Variants in AQP7B observed in about 807,000 individuals in gnomAD.
The protein encoded by AQP7B is putative aquaporin-7B.
the AQP7B span, among the ~76,000 whole-genome samples, chr2:94,596,441 G>T: frequency 6.6e-6 from 1 of 152,216 alleles, no homozygotes; most frequent in African/African-American, 2.4e-5. Flanking sequence ...GGAAGGTGGG[G>T]TGACAGAGGC....
chr2:94,599,295 G>T, the AQP7B span, among the ~76,000 whole-genome samples: 1 of 151,922 alleles, frequency 6.6e-6, no homozygotes. Flanking sequence ...TCTTATCCTG[G>T]ATCCAAAGCC....
chr2:94,603,669 T>G, the AQP7B span: 1 of 1,341,990 alleles, frequency 7.5e-7, no homozygotes. Context: ...TCCTGTGGCT[T>G]GGGGAGGGGC....
chr2:94,589,466 C>A, the AQP7B span, among the ~76,000 whole-genome samples: 1 of 152,058 alleles, frequency 6.6e-6, no homozygotes, highest in South Asian at 2.1e-4. Flanking sequence ...TCTGACTGCC[C>A]TATTTGAAAT....
At chr2:94,604,106 C>T in the AQP7B span, among the ~76,000 whole-genome samples, 94 of 152,280 alleles carry the variant, frequency 6.2e-4, 1 homozygote, top group Middle Eastern at 3.4e-3. Context: ...AGATCCTGCA[C>T]CTGCACTGAG....
chr2:94,596,458 T>A, the AQP7B span, among the ~76,000 whole-genome samples: 4 of 152,120 alleles, frequency 2.6e-5, no homozygotes, highest in Non-Finnish European at 4.4e-5. Flanking sequence ...AGGCTGTTTG[T>A]GTGTGTGGTG....
At chr2:94,603,686 G>A in the AQP7B span, 7 of 1,380,478 alleles carry the variant, frequency 5.1e-6, no homozygotes, top group Admixed American at 1.2e-4. Flanking sequence ...GGGCCCAGGT[G>A]AGCTGCCACA....
At chr2:94,590,413 C>T in the AQP7B span, among the ~76,000 whole-genome samples, 3 of 151,992 alleles carry the variant, frequency 2.0e-5, no homozygotes, top group African/African-American at 7.3e-5. Context: ...GTCTTGAACT[C>T]CTGACCTCAA....
At chr2:94,599,815 C>T in the AQP7B span, among the ~76,000 whole-genome samples, 1 of 152,144 alleles carries the variant, frequency 6.6e-6, no homozygotes. Flanking sequence ...CTCTCTTCCC[C>T]GCTCCTCAGG....
the AQP7B span, among the ~76,000 whole-genome samples, chr2:94,590,335 A>G: frequency 2.7e-5 from 4 of 149,640 alleles, no homozygotes; most frequent in Non-Finnish European, 5.9e-5. Flanking sequence ...GGCACCTACC[A>G]CCACGCCCAG....
Sources: gnomAD v4.1 joint callset for allele counts (sites outside exome capture counted in the v4.1 genomes callset) on GRCh38, gnomAD v4.1.1 for gene constraint, MANE v1.5 for transcripts, NCBI Gene and HGNC (gene_info 2026-07-23, HGNC 2026-07-21) for gene names.